Variants in TAC4 observed in about 807,000 individuals in gnomAD.
TAC4 encodes tachykinin-4.
Under a neutral mutation model 17.7 loss-of-function variants are expected in TAC4, and 17 were observed. The ratio of observed to expected loss-of-function variants is 0.96; its 90% CI spans 0.66 to 1.44. The LOEUF (loss-of-function observed/expected upper bound fraction) is 1.44, where lower values mean the gene tolerates loss of function less well. TAC4 is among the 40% of genes most tolerant of loss of function. TAC4 has a pLI of 0.00. For synonymous variants in TAC4, 62 were observed against 52.4 expected (o/e 1.18, Z -0.79); for missense variants, 118 against 125.6 (o/e 0.94, Z 0.29).
intron 1 of TAC4, among the ~76,000 whole-genome samples, chr17:49,845,689 C>G (rs983840081): frequency 6.6e-6 from 1 of 152,190 alleles, no homozygotes; most frequent in African/African-American, 2.4e-5. Flanking sequence ...GGATCAGAGG[C>G]TCTTTCTTCC....
chr17:49,843,458 C>G (rs930844941), intron 2 of TAC4, among the ~76,000 whole-genome samples: 9 of 152,250 alleles, frequency 5.9e-5, no homozygotes, highest in Non-Finnish European at 1.3e-4. Context: ...TCATCCAGAG[C>G]ATGGAAGGCA....
intron 1 of TAC4, chr17:49,846,041 A>C (rs2144052811): frequency 2.2e-4 from 66 of 303,952 alleles, no homozygotes; most frequent in Non-Finnish European, 3.6e-4. Context: ...GCTGGAGAGA[A>C]TGGCCACTTA....
At position 49,844,111 on chromosome 17, in the gene TAC4, G is replaced by C; in HGVS notation, c.152C>G (p.Thr51Arg). 1.9e-6 allele frequency: 3 copies of C among 1,613,798 alleles called. No individual in the cohort carries two copies. Among genetic ancestry groups the C allele is most frequent in the Non-Finnish European group, 2.5e-6 (3 of 1,179,772 alleles). Residue 51 changes from threonine (T) to arginine (R), a missense_variant, in exon 2 of 5, where the codon ACG (threonine) becomes AGG (arginine). Thr to Arg is a moderately conservative substitution (Grantham distance 71). Coordinates refer to ENST00000436235, the MANE Select transcript of TAC4 (RefSeq NM_001077506.2). ...SIQLQLQEVK[T>R]GKASQFFGLM... is the part of the protein sequence containing the mutation. ...CCCAAAGAACTGGCTTGCCTTGCCC[G>C]TCTTCACCTCCTGCAGCTGGAGCTG...
intron 3 of TAC4, 133 bp from the exon 4 acceptor site, chr17:49,840,042 TTC>T (rs2144034040): frequency 1.4e-6 from 1 of 705,594 alleles, no homozygotes; most frequent in Non-Finnish European, 2.4e-6. Flanking sequence ...ATGGGATCAT[TTC>T]TCTGTCATCC....
intron 1 of TAC4, among the ~76,000 whole-genome samples, chr17:49,844,512 C>G (rs1383863408): frequency 1.3e-5 from 2 of 151,632 alleles, no homozygotes; most frequent in South Asian, 2.1e-4. Context: ...AATCCCGGCA[C>G]TCTGGGAGGC....
intron 1 of TAC4, chr17:49,847,200 GC>G (rs1389340541): frequency 3.1e-6 from 4 of 1,290,158 alleles, no homozygotes; most frequent in Non-Finnish European, 4.0e-6. Flanking sequence ...TGTCCTGTCT[GC>G]CCCCCTGGAA....
At chr17:49,845,087 G>A (rs1036229687) in intron 1 of TAC4, among the ~76,000 whole-genome samples, 2 of 152,244 alleles carry the variant, frequency 1.3e-5, no homozygotes, top group East Asian at 1.9e-4. Flanking sequence ...GTGAACTCAC[G>A]GTGGGTCCCC....
intron 1 of TAC4, chr17:49,846,275 C>T: frequency 3.3e-6 from 4 of 1,198,794 alleles, no homozygotes; most frequent in Admixed American, 3.2e-5. Context: ...TTCCTGTTAC[C>T]TCATTTTTTT....
At chr17:49,846,182 A>C (rs375870197) in intron 1 of TAC4, 1 of 1,288,166 alleles carries the variant, frequency 7.8e-7, no homozygotes, top group Non-Finnish European at 1.0e-6. Context: ...ATATCCATTT[A>C]ACCCAAATCC....
chr17:49,846,155 C>A (rs922766057), intron 1 of TAC4: 1 of 1,251,034 alleles, frequency 8.0e-7, no homozygotes, highest in African/African-American at 1.6e-5. Flanking sequence ...GACTCCTGCC[C>A]CCAGCCGGAG....
Position 49,839,836 on chromosome 17 carries a change from C to A in TAC4, c.292+14G>T. On this transcript the variant is annotated intron_variant, in intron 4 of 4. Transcript: ENST00000436235. Reference sequence around the variant, plus strand: ...CCCATGATGCCCTTGCAACCACCAGCGGCTCTTGCCTACCTTCTGTGAACA... The same window carrying A: ...CCCATGATGCCCTTGCAACCACCAGAGGCTCTTGCCTACCTTCTGTGAACA... The A allele has an allele frequency of 6.2e-7, 1 of 1,605,986 alleles. No individual in the cohort carries two copies. The highest frequency in any genetic ancestry group is 8.5e-7 in the Non-Finnish European group (1 of 1,176,116).
Position 49,838,435 on chromosome 17 carries a change from G to A in TAC4, c.*207C>T, listed in dbSNP as rs2074472272. On this transcript the variant is annotated 3_prime_UTR_variant, in exon 5 of 5. Transcript: ENST00000436235. Reference sequence around the variant, plus strand: ...GGGCAGAGTCAGTGCAGCTTGCTACGGCGAAGCTGTGCATTTATGCAGGAC... The same window carrying A: ...GGGCAGAGTCAGTGCAGCTTGCTACAGCGAAGCTGTGCATTTATGCAGGAC... The A allele has an allele frequency of 4.6e-6, 3 of 655,232 alleles. No homozygotes were observed. Among genetic ancestry groups the A allele is most frequent in the African/African-American group, 1.8e-5 (1 of 54,304 alleles). 40.6% of individuals were successfully genotyped at this position (655,232 alleles called of 1,614,324 possible). A position where few individuals can be genotyped will look rare whatever the true frequency, so the allele number is the denominator to read the frequency against.
At chr17:49,846,153 C>A (rs1222904373) in intron 1 of TAC4, 16 of 1,241,354 alleles carry the variant, frequency 1.3e-5, no homozygotes, top group Non-Finnish European at 1.6e-5. Context: ...AGGACTCCTG[C>A]CCCCAGCCGG....
At chr17:49,843,351 T>C (rs925269267) in intron 2 of TAC4, among the ~76,000 whole-genome samples, 1 of 152,256 alleles carries the variant, frequency 6.6e-6, no homozygotes, top group Non-Finnish European at 1.5e-5. Context: ...TTTAAGTTAG[T>C]AATTTTGTTT....
chr17:49,847,154 T>G (rs936513495), intron 1 of TAC4: 1 of 1,289,866 alleles, frequency 7.8e-7, no homozygotes, highest in African/African-American at 1.5e-5. Context: ...CCAGTGTCCT[T>G]ACCATCCTGG....
At position 49,838,590 on chromosome 17, in the gene TAC4, C is replaced by T; in HGVS notation, c.*52G>A. The T allele has an allele frequency of 1.2e-6, 2 of 1,611,944 alleles. No homozygotes were observed. The highest frequency in any genetic ancestry group is 1.7e-6 in the Non-Finnish European group (2 of 1,178,348). On this transcript the variant is annotated 3_prime_UTR_variant, in exon 5 of 5. Transcript: ENST00000436235. ...CTGCCGGCTTGTCAGCTGTGACATC[C>T]AGGTAGGAAGAAGCGGCACCGTGTC...
At position 49,838,606 on chromosome 17, in the gene TAC4, G is replaced by A. The variant is rs1268035612; in HGVS notation, c.*36C>T. 15 of 1,613,424 alleles carry A rather than the reference G, an allele frequency of 9.3e-6. No homozygotes were observed. Among genetic ancestry groups the A allele is most frequent in the East Asian group, 2.2e-5 (1 of 44,828 alleles). Reference sequence around the variant, plus strand: ...TGTGACATCCAGGTAGGAAGAAGCGGCACCGTGTCCTCTGGGAAGTCTGTG... The same window carrying A: ...TGTGACATCCAGGTAGGAAGAAGCGACACCGTGTCCTCTGGGAAGTCTGTG... On this transcript the variant is annotated 3_prime_UTR_variant, in exon 5 of 5. Transcript: ENST00000436235.
chr17:49,845,092 G>A (rs2074527983), intron 1 of TAC4, among the ~76,000 whole-genome samples: 1 of 152,136 alleles, frequency 6.6e-6, no homozygotes, highest in Non-Finnish European at 1.5e-5. Context: ...CTCACGGTGG[G>A]TCCCCAGGAG....
intron 3 of TAC4, among the ~76,000 whole-genome samples, chr17:49,840,330 T>C (rs1009228582): frequency 2.0e-5 from 3 of 152,028 alleles, no homozygotes; most frequent in African/African-American, 4.8e-5. Flanking sequence ...CACTAGGCCA[T>C]GGAGACAAGC....
Sources: gnomAD v4.1 joint callset for allele counts (sites outside exome capture counted in the v4.1 genomes callset) on GRCh38, gnomAD v4.1.1 for gene constraint, MANE v1.5 for transcripts, NCBI Gene and HGNC (gene_info 2026-07-23, HGNC 2026-07-21) for gene names.